Variants in SYNPR observed in about 807,000 individuals in gnomAD.
The protein encoded by SYNPR is synaptoporin.
Under a neutral mutation model 32.9 loss-of-function variants are expected in SYNPR, and 23 were observed. The ratio of observed to expected loss-of-function variants is 0.70; its 90% CI spans 0.50 to 0.99. SYNPR has a LOEUF of 0.99. Ranked by LOEUF, SYNPR falls within the 50% of genes least tolerant of loss-of-function variation. The pLI is 0.00. For missense variants in SYNPR, 318 were observed against 349.3 expected (o/e 0.91, Z 0.71); for synonymous variants, 146 against 135.9 (o/e 1.07, Z -0.52).
chr3:63,409,443 C>G (rs1277063665), intron 2 of SYNPR, among the ~76,000 whole-genome samples: 2 of 152,074 alleles, frequency 1.3e-5, no homozygotes, highest in African/African-American at 4.8e-5. Context: ...TGCATCCATT[C>G]ACTATGAGTC....
chr3:63,418,956 G>A (rs78550849), intron 2 of SYNPR, among the ~76,000 whole-genome samples: 1 of 152,194 alleles, frequency 6.6e-6, no homozygotes, highest in Non-Finnish European at 1.5e-5. Context: ...GTTTAATAGA[G>A]TCTTAATAAT....
chr3:63,407,310 C>G (rs2088372578), intron 2 of SYNPR, among the ~76,000 whole-genome samples: 1 of 152,096 alleles, frequency 6.6e-6, no homozygotes, highest in Non-Finnish European at 1.5e-5. Flanking sequence ...ACAGCAAGCT[C>G]AAAAAATGCT....
At chr3:63,598,868 A>G (rs1699997937) in intron 4 of SYNPR, among the ~76,000 whole-genome samples, 1 of 152,210 alleles carries the variant, frequency 6.6e-6, no homozygotes, top group Non-Finnish European at 1.5e-5. Flanking sequence ...TGTCTTCCAT[A>G]TCCACACTAT....
At chr3:63,322,678 A>G (rs1363045054) in intron 2 of SYNPR, among the ~76,000 whole-genome samples, 1 of 152,106 alleles carries the variant, frequency 6.6e-6, no homozygotes, top group East Asian at 1.9e-4. Flanking sequence ...ACAAAGACAC[A>G]AAGTCACTTG....
intron 2 of SYNPR, among the ~76,000 whole-genome samples, chr3:63,260,270 CT>C (rs2106899228): frequency 6.6e-6 from 1 of 152,294 alleles, no homozygotes; most frequent in African/African-American, 2.4e-5. Context: ...CAAGTCAATC[CT>C]AAGCCAAAAG....
chr3:63,529,464 T>C (rs1397174631), intron 3 of SYNPR, among the ~76,000 whole-genome samples: 2 of 152,158 alleles, frequency 1.3e-5, no homozygotes, highest in Non-Finnish European at 2.9e-5. Flanking sequence ...GGTCTGAGTG[T>C]ACTAAAATGT....
chr3:63,264,490 C>T (rs1033382612), intron 2 of SYNPR, among the ~76,000 whole-genome samples: 1 of 152,074 alleles, frequency 6.6e-6, no homozygotes, highest in African/African-American at 2.4e-5. Flanking sequence ...ATATGAAGGG[C>T]AATTTTATTA....
intron 2 of SYNPR, among the ~76,000 whole-genome samples, chr3:63,447,623 G>T (rs980999862): frequency 6.8e-6 from 1 of 148,148 alleles, no homozygotes; most frequent in South Asian, 2.3e-4. Flanking sequence ...TCTTCTAGAA[G>T]AGGCTCTTGG....
At chr3:63,500,257 T>C (rs1468378010) in intron 3 of SYNPR, among the ~76,000 whole-genome samples, 1 of 152,072 alleles carries the variant, frequency 6.6e-6, no homozygotes. Flanking sequence ...AATGTGAAAA[T>C]AAAGAGCAGT....
At position 63,470,761 on chromosome 3, in the gene SYNPR, T is replaced by C. The variant is rs370002138; in HGVS notation, c.85-10071T>C. Among the ~76,000 whole-genome samples the C allele has an allele frequency of 7.2e-5, 11 of 152,144 alleles. No individual in the cohort carries two copies. In the East Asian group the frequency reaches 1.7e-3, roughly 24 times the overall value. On this transcript the variant is annotated intron_variant, in intron 2 of 5. Coordinates refer to ENST00000478300, the MANE Select transcript of SYNPR (RefSeq NM_001130003.2). ...GCTGAAGATTCACTTCCTAGTCTCC[T>C]ATGCAGTGAAAGGTGTTCAGGAACA...
intron 2 of SYNPR, among the ~76,000 whole-genome samples, chr3:63,314,410 T>G (rs1359697953): frequency 6.6e-6 from 1 of 151,900 alleles, no homozygotes; most frequent in African/African-American, 2.4e-5. Flanking sequence ...TTATGGCCAT[T>G]CTTGCATGAG....
chr3:63,379,872 G>T lies in SYNPR; in HGVS notation c.85-100960G>T, dbSNP rs928218488. The stretch of plus-strand genomic sequence containing the variant: ...CCCACAAAAGGCCCCGGTGTGTGAT[G>T]TTCCCCTTCCTGTGTCCAAGTGTTC... On this transcript the variant is annotated intron_variant, in intron 2 of 5. Coordinates refer to ENST00000478300, the MANE Select transcript of SYNPR (RefSeq NM_001130003.2). 2.0e-5 allele frequency among the ~76,000 whole-genome samples: 3 copies of T among 151,150 alleles called. No individual in the cohort carries two copies. The East Asian group carries it at 5.9e-4, about 30-fold the overall frequency.
At chr3:63,559,153 C>T (rs1182052735) in intron 4 of SYNPR, among the ~76,000 whole-genome samples, 1 of 150,036 alleles carries the variant, frequency 6.7e-6, no homozygotes, top group Non-Finnish European at 1.5e-5. Context: ...CTTCAACCTT[C>T]ACCTCCTGGG....
intron 2 of SYNPR, among the ~76,000 whole-genome samples, chr3:63,386,825 T>C (rs2088052535): frequency 6.6e-6 from 1 of 152,142 alleles, no homozygotes; most frequent in African/African-American, 2.4e-5. Context: ...CTGCTGTAGG[T>C]CAGCACAGAA....
chr3:63,575,440 C>T (rs114643080), intron 4 of SYNPR, among the ~76,000 whole-genome samples: 3,248 of 152,156 alleles, frequency 0.021, 44 homozygotes, highest in Middle Eastern at 0.048. Context: ...TCCATTAGCC[C>T]CCCTCAGTCA....
chr3:63,296,527 A>G (rs2086792861), intron 2 of SYNPR, among the ~76,000 whole-genome samples: 1 of 152,148 alleles, frequency 6.6e-6, no homozygotes, highest in Admixed American at 6.5e-5. Context: ...TTGGTTTTTG[A>G]GATGATGGAA....
At chr3:63,492,126 C>T (rs1276442597) in intron 3 of SYNPR, among the ~76,000 whole-genome samples, 1 of 152,014 alleles carries the variant, frequency 6.6e-6, no homozygotes, top group Non-Finnish European at 1.5e-5. Context: ...AGTGAAATCC[C>T]CTAGATTTTC....
At chr3:63,462,401 A>C (rs1471715261) in intron 2 of SYNPR, among the ~76,000 whole-genome samples, 2 of 152,178 alleles carry the variant, frequency 1.3e-5, no homozygotes, top group Non-Finnish European at 2.9e-5. Context: ...GTGTGCAGTC[A>C]ATAAATATTT....
intron 5 of SYNPR, among the ~76,000 whole-genome samples, chr3:63,611,913 G>C (rs1218026342): frequency 6.6e-6 from 1 of 152,140 alleles, no homozygotes; most frequent in African/African-American, 2.4e-5. Context: ...GTGACTCAGA[G>C]AACACACTTT....
Sources: allele counts gnomAD v4.1 joint callset (sites outside exome capture counted in the v4.1 genomes callset), GRCh38; gene constraint gnomAD v4.1.1; transcripts MANE v1.5; gene names NCBI Gene and HGNC (gene_info 2026-07-23, HGNC 2026-07-21).